DLGAP2: variants seen among roughly 807,000 people sequenced by gnomAD.
DLGAP2 encodes disks large-associated protein 2.
In DLGAP2, 26 loss-of-function variants were observed where a neutral mutation model predicts 100.3. That is an observed-to-expected ratio of 0.26 (90% CI 0.19 to 0.36). The LOEUF (loss-of-function observed/expected upper bound fraction) is 0.36, where lower values mean the gene tolerates loss of function less well. DLGAP2 is among the 10% of genes least tolerant of loss of function. The pLI, the probability that DLGAP2 is intolerant of heterozygous loss-of-function variation, is 1.00. For synonymous variants in DLGAP2, 886 were observed against 630.1 expected (o/e 1.41, Z -6.08); for missense variants, 1,858 against 1,453.2 (o/e 1.28, Z -4.53).
rs149466124 is a variant in DLGAP2, at chr8:1,517,699, C to T, written c.172+16268C>T. 2.0e-3 allele frequency among the ~76,000 whole-genome samples: 303 copies of T among 152,306 alleles called. 3 individuals are homozygous for T. The highest frequency in any genetic ancestry group is 6.9e-3 in the African/African-American group (285 of 41,568). ...CTAGGAGAGCCCTGCCTGTGGCAGGCAGCAGCATTTGCAAGCCTCTCTGCA... is the reference window on the plus strand; with the variant it reads ...CTAGGAGAGCCCTGCCTGTGGCAGGTAGCAGCATTTGCAAGCCTCTCTGCA... On this transcript the variant is annotated intron_variant, in intron 4 of 14. Coordinates refer to ENST00000637795, the MANE Select transcript of DLGAP2 (RefSeq NM_001346810.2).
intron 3 of DLGAP2, among the ~76,000 whole-genome samples, chr8:1,299,756 C>A (rs921739677): frequency 1.3e-5 from 2 of 152,082 alleles, no homozygotes; most frequent in Non-Finnish European, 1.5e-5. Flanking sequence ...CATCTACAAT[C>A]CCCCCTGGAC....
At chr8:813,839 C>T (rs1024571794) in intron 1 of DLGAP2, among the ~76,000 whole-genome samples, 2 of 152,176 alleles carry the variant, frequency 1.3e-5, no homozygotes, top group African/African-American at 2.4e-5. Flanking sequence ...TCCTATGCAA[C>T]AGCTACCTGC....
chr8:1,637,028 T>G lies in DLGAP2; in HGVS notation c.1810+3982T>G, dbSNP rs117913770. The stretch of plus-strand genomic sequence containing the variant: ...AGCACCCCAGGTTGGAGGGAGGAGG[T>G]GCACCCCAGAGGAGGAATACCCGTC... On this transcript the variant is annotated intron_variant, in intron 8 of 14. Coordinates refer to ENST00000637795, the MANE Select transcript of DLGAP2 (RefSeq NM_001346810.2). 5.4e-4 allele frequency among the ~76,000 whole-genome samples: 82 copies of G among 152,152 alleles called. 1 individual carries two copies. In the East Asian group the frequency reaches 0.014, roughly 26 times the overall value.
chr8:911,781 G>A (rs1165360740), intron 2 of DLGAP2, among the ~76,000 whole-genome samples: 3 of 152,078 alleles, frequency 2.0e-5, no homozygotes, highest in African/African-American at 7.2e-5. Context: ...AATGTTGGAA[G>A]GATATGTGTA....
chr8:969,532 G>T (rs1209966871), intron 2 of DLGAP2, among the ~76,000 whole-genome samples: 1 of 146,394 alleles, frequency 6.8e-6, no homozygotes. Context: ...GGAATCTTGT[G>T]TGCCAGTTAG....
intron 3 of DLGAP2, among the ~76,000 whole-genome samples, chr8:1,439,497 C>T (rs1054979524): frequency 6.6e-6 from 1 of 152,186 alleles, no homozygotes; most frequent in African/African-American, 2.4e-5. Context: ...GGGCTCAGCC[C>T]TGTCATCAGA....
chr8:1,342,987 G>A lies in DLGAP2; in HGVS notation c.106+84104G>A, dbSNP rs75376653. ...GCACATGGTCGTGCATGGGTGCGGG[G>A]TGCTGGGAGCACAGAGATTATTGAG... On this transcript the variant is annotated intron_variant, in intron 3 of 14. Transcript: ENST00000637795. 5.3e-5 allele frequency among the ~76,000 whole-genome samples: 8 copies of A among 152,222 alleles called. No homozygotes were observed. The East Asian group carries it at 1.5e-3, about 29-fold the overall frequency.
chr8:1,296,453 G>A (rs1465626870), intron 3 of DLGAP2, among the ~76,000 whole-genome samples: 1 of 152,188 alleles, frequency 6.6e-6, no homozygotes, highest in Non-Finnish European at 1.5e-5. Flanking sequence ...TATCATTGGA[G>A]ATTTCTTAGC....
intron 2 of DLGAP2, among the ~76,000 whole-genome samples, chr8:965,180 C>G (rs1192261231): frequency 7.0e-6 from 1 of 142,384 alleles, no homozygotes; most frequent in African/African-American, 2.6e-5. Flanking sequence ...CTGCGCTGCA[C>G]ACGGCACTGT....
chr8:1,182,598 T>C (rs952004661), intron 2 of DLGAP2, among the ~76,000 whole-genome samples: 2 of 152,232 alleles, frequency 1.3e-5, no homozygotes, highest in African/African-American at 2.4e-5. Flanking sequence ...CAGAATTGTG[T>C]CACTAGGAAA....
chr8:1,237,030 A>G (rs1237082126), intron 2 of DLGAP2, among the ~76,000 whole-genome samples: 1 of 139,550 alleles, frequency 7.2e-6, no homozygotes, highest in Non-Finnish European at 1.5e-5. Flanking sequence ...CACACAGAGC[A>G]TCGTGTCTAG....
chr8:1,103,233 G>T (rs908292337), intron 2 of DLGAP2, among the ~76,000 whole-genome samples: 18 of 152,288 alleles, frequency 1.2e-4, no homozygotes, highest in African/African-American at 4.1e-4. Context: ...GCGTCGTCTG[G>T]GGGTGTTTGG....
At chr8:1,067,478 G>A (rs771598214) in intron 2 of DLGAP2, among the ~76,000 whole-genome samples, 12 of 152,268 alleles carry the variant, frequency 7.9e-5, no homozygotes, top group East Asian at 1.9e-4. Flanking sequence ...GAGGAAGCCC[G>A]TGTGGGAAGA....
At chr8:1,537,125 C>T (rs951413935) in intron 4 of DLGAP2, among the ~76,000 whole-genome samples, 1 of 151,932 alleles carries the variant, frequency 6.6e-6, no homozygotes, top group Non-Finnish European at 1.5e-5. Context: ...ATGTGGTAGA[C>T]CCCTGCAGCT....
intron 3 of DLGAP2, among the ~76,000 whole-genome samples, chr8:1,349,798 G>A (rs1046169264): frequency 6.6e-6 from 1 of 152,248 alleles, no homozygotes; most frequent in Non-Finnish European, 1.5e-5. Flanking sequence ...ACAGAGAAGT[G>A]CAAACTCATC....
intron 7 of DLGAP2, among the ~76,000 whole-genome samples, chr8:1,627,250 A>C (rs896056412): frequency 6.6e-6 from 1 of 152,208 alleles, no homozygotes; most frequent in African/African-American, 2.4e-5. Context: ...CATGGCTCTC[A>C]GCTCTGTCCT....
chr8:1,495,067 C>T (rs901444855), intron 3 of DLGAP2, among the ~76,000 whole-genome samples: 5 of 152,212 alleles, frequency 3.3e-5, no homozygotes, highest in African/African-American at 9.6e-5. Context: ...ATTGCCAGGA[C>T]CGACACCAGG....
chr8:1,235,549 GGCGCCATGTCTAGTTC>G (rs1798633511), intron 2 of DLGAP2, among the ~76,000 whole-genome samples: 1 of 13,024 alleles, frequency 7.7e-5, no homozygotes. Flanking sequence ...TCTCTCACAT[GGCGCCATGTCTAGTTC>G]TCTCACATGG....
At chr8:1,641,018 A>G (rs935552922) in intron 8 of DLGAP2, among the ~76,000 whole-genome samples, 2 of 152,116 alleles carry the variant, frequency 1.3e-5, no homozygotes, top group African/African-American at 2.4e-5. Flanking sequence ...GGGAGACCCA[A>G]GCTCTCCTGG....
Sources: allele counts gnomAD v4.1 joint callset (sites outside exome capture counted in the v4.1 genomes callset), GRCh38; gene constraint gnomAD v4.1.1; transcripts MANE v1.5; gene names NCBI Gene and HGNC (gene_info 2026-07-23, HGNC 2026-07-21).